DLGAP4: variants seen among roughly 807,000 people sequenced by gnomAD.
DLGAP4 encodes the protein disks large-associated protein 4.
A neutral mutation model predicts 86.9 loss-of-function variants in DLGAP4; 18 were observed. That is an observed-to-expected ratio of 0.21 (90% CI 0.14 to 0.31). The LOEUF (loss-of-function observed/expected upper bound fraction) is 0.31. Ranked by LOEUF, DLGAP4 falls within the 10% of genes least tolerant of loss-of-function variation. The pLI is 1.00. For missense variants in DLGAP4, 1,085 were observed against 1,362.6 expected (o/e 0.80, Z 3.21); for synonymous variants, 548 against 574.3 (o/e 0.95, Z 0.65).
chr20:36,348,827 G>A (rs1020054422), intron 1 of DLGAP4, among the ~76,000 whole-genome samples: 3 of 151,872 alleles, frequency 2.0e-5, no homozygotes, highest in Non-Finnish European at 4.4e-5. Context: ...GGGGCCAGGC[G>A]TGGTGGCTTA....
chr20:36,379,173 C>T (rs1313858793), intron 2 of DLGAP4, among the ~76,000 whole-genome samples: 1 of 152,158 alleles, frequency 6.6e-6, no homozygotes, highest in Non-Finnish European at 1.5e-5. Flanking sequence ...GGAGCTGGCC[C>T]TGCAAATGCT....
intron 2 of DLGAP4, among the ~76,000 whole-genome samples, chr20:36,407,453 G>T (rs941073103): frequency 6.6e-6 from 1 of 152,142 alleles, no homozygotes; most frequent in Admixed American, 6.6e-5. Context: ...TGGGCATGTG[G>T]TCATGACTCA....
chr20:36,513,554 CAAAAAAAAAAAAAA>C (rs562398294), intron 10 of DLGAP4, among the ~76,000 whole-genome samples: 3 of 40,552 alleles, frequency 7.4e-5, no homozygotes, highest in Non-Finnish European at 1.4e-4. Flanking sequence ...GACTCCGTCT[CAAAAAAAAAAAAAA>C]AAAAAAAAAA....
chr20:36,344,198 T>C (rs2065413026), intron 1 of DLGAP4, among the ~76,000 whole-genome samples: 1 of 152,212 alleles, frequency 6.6e-6, no homozygotes. Flanking sequence ...GAATCTCTGC[T>C]CCCGACTCTT....
chr20:36,382,820 A>G (rs751717020), intron 2 of DLGAP4, among the ~76,000 whole-genome samples: 9 of 151,724 alleles, frequency 5.9e-5, no homozygotes, highest in Non-Finnish European at 1.3e-4. Flanking sequence ...GTGAGCCACC[A>G]TGCCTGGCTG....
Position 36,306,536 on chromosome 20 carries a change from G to T in DLGAP4, c.-304+24G>T, listed in dbSNP as rs2065003830. 6.6e-6 allele frequency: 1 copy of T among 151,904 alleles called. No individual in the cohort carries two copies. The highest frequency in any genetic ancestry group is 2.4e-5 in the African/African-American group (1 of 41,338). The allele number at this position is 151,904 out of a possible 1,614,324, so 9.4% of individuals were successfully genotyped here. ...AGGTGAGGGCGCGGGGGTGGCGCGCGGCGGCTCCTACCCCCTTCCCGGGCC... is the reference window on the plus strand; with the variant it reads ...AGGTGAGGGCGCGGGGGTGGCGCGCTGCGGCTCCTACCCCCTTCCCGGGCC... On this transcript the variant is annotated intron_variant, in intron 1 of 12. Coordinates refer to ENST00000339266, the MANE Select transcript of DLGAP4 (RefSeq NM_001365621.2). The surrounding 1 kb of genome is among the most constrained non-coding windows in gnomAD (Gnocchi z 4.9).
At chr20:36,515,032 C>T (rs529294018) in intron 10 of DLGAP4, among the ~76,000 whole-genome samples, 3 of 152,078 alleles carry the variant, frequency 2.0e-5, no homozygotes, top group Non-Finnish European at 4.4e-5. Flanking sequence ...GAGAGGAGGC[C>T]CACCAGTCAC....
rs1192663955 is a variant in DLGAP4 at position 36,511,875 on chromosome 20, A to C, written c.2512+11264A>C. On this transcript the variant is annotated intron_variant, in intron 10 of 12. Coordinates refer to ENST00000339266, the MANE Select transcript of DLGAP4 (RefSeq NM_001365621.2). ...GGGCGACAGAGGGAGACCCTGTCTC[A>C]AAAAAAAAAAAAAAAATGCATAGTC... is the stretch of plus-strand genomic sequence containing the variant. Among the ~76,000 whole-genome samples, 4 of 113,458 alleles carry C rather than the reference A, an allele frequency of 3.5e-5. No individual in the cohort carries two copies. The East Asian group carries it at 9.6e-4, about 27-fold the overall frequency. The allele number at this position is 113,458 out of a possible 152,430, so 74.4% of individuals were successfully genotyped here.
At chr20:36,404,069 G>A (rs539236710) in intron 2 of DLGAP4, among the ~76,000 whole-genome samples, 1 of 152,318 alleles carries the variant, frequency 6.6e-6, no homozygotes, top group Admixed American at 6.5e-5. Context: ...TAGTCAGTAT[G>A]GGAGGAGACC....
At chr20:36,435,559 G>A (rs1308484286) in intron 3 of DLGAP4, among the ~76,000 whole-genome samples, 1 of 152,180 alleles carries the variant, frequency 6.6e-6, no homozygotes, top group Non-Finnish European at 1.5e-5. Flanking sequence ...TACCTGACCC[G>A]GGGAAGCACC....
Position 36,431,153 on chromosome 20 carries a change from TCCCG to T in DLGAP4, c.-72-492_-72-489del, listed in dbSNP as rs201417809. Among the ~76,000 whole-genome samples the T allele has an allele frequency of 0.68, 102,580 of 151,736 alleles. 36,300 individuals are homozygous for T. The highest frequency in any genetic ancestry group is 0.79 in the Non-Finnish European group (53,615 of 67,902). On this transcript the variant is annotated intron_variant, in intron 2 of 12. Coordinates refer to ENST00000339266, the MANE Select transcript of DLGAP4 (RefSeq NM_001365621.2). The surrounding 1 kb of genome is among the most constrained non-coding windows in gnomAD (Gnocchi z 5.1). ...TGCCTCCAGGGCCAGCACAGGGTCC[TCCCG>T]TGGGAGGTGGACCCTGCCACAGGGA...
rs2034047717 is a variant in DLGAP4 at position 36,461,526 on chromosome 20, T to TGGCCGCCGCCGCCGCCGCC, written c.1648+14590_1648+14608dup. The TGGCCGCCGCCGCCGCCGCC allele has an allele frequency of 8.1e-6, 8 of 982,718 alleles. No homozygotes were observed. In the African/African-American group the frequency reaches 1.2e-4, roughly 15 times the overall value. The allele number at this position is 982,718 out of a possible 1,614,324, so 60.9% of individuals were successfully genotyped here. On this transcript the variant is annotated intron_variant, in intron 7 of 12. Coordinates refer to ENST00000339266, the MANE Select transcript of DLGAP4 (RefSeq NM_001365621.2). ...AGGGAGGAGGGTGAGTGCCCGCCGCTGGCCGCCGCCGCCGCCGCCAGTCCG... is the reference window on the plus strand; with the variant it reads ...AGGGAGGAGGGTGAGTGCCCGCCGCTGGCCGCCGCCGCCGCCGCCGGCCGCCGCCGCCGCCGCCAGTCCG...
chr20:36,335,079 C>A (rs1382475396), intron 1 of DLGAP4, among the ~76,000 whole-genome samples: 1 of 152,110 alleles, frequency 6.6e-6, no homozygotes, highest in Non-Finnish European at 1.5e-5. Flanking sequence ...GGCACCTGAG[C>A]CCCTGGGGTG....
intron 2 of DLGAP4, among the ~76,000 whole-genome samples, chr20:36,402,387 C>T (rs1001986769): frequency 5.3e-5 from 8 of 152,170 alleles, no homozygotes; most frequent in East Asian, 1.9e-4. Context: ...TGGGCTAATG[C>T]GTGTCAAGTG....
intron 2 of DLGAP4, among the ~76,000 whole-genome samples, chr20:36,386,008 G>C (rs1247488568): frequency 6.6e-6 from 1 of 152,160 alleles, no homozygotes; most frequent in East Asian, 1.9e-4. Context: ...AGAAGGAAAG[G>C]AGAAAAAGAT....
chr20:36,496,714 G>A lies in DLGAP4; in HGVS notation c.1658G>A (p.Cys553Tyr). 6.2e-7 allele frequency: 1 copy of A among 1,604,702 alleles called. No individual in the cohort carries two copies. The highest frequency in any genetic ancestry group is 1.3e-5 in the African/African-American group (1 of 74,868). Residue 553 changes from cysteine (C) to tyrosine (Y), a missense_variant, in exon 8 of 13, where the codon TGC becomes TAC. This residue lies in a region of DLGAP4 where 1,082 missense variants were observed against 1,344.1 expected (regional missense o/e 0.81). Coordinates refer to ENST00000339266, the MANE Select transcript of DLGAP4 (RefSeq NM_001365621.2). ...SNSRTLPSSS[C>Y]LVAYKKTPPP... The stretch of plus-strand genomic sequence containing the variant: ...TCTCATCCATCTGCAGGTTCATCAT[G>A]CCTAGTGGCGTATAAGAAGACCCCG...
intron 2 of DLGAP4, among the ~76,000 whole-genome samples, chr20:36,384,718 G>A (rs906328052): frequency 6.6e-6 from 1 of 152,196 alleles, no homozygotes; most frequent in Non-Finnish European, 1.5e-5. Flanking sequence ...AGATACTCTT[G>A]GAACCTCATA....
chr20:36,379,171 C>G (rs184106394), intron 2 of DLGAP4, among the ~76,000 whole-genome samples: 1 of 152,174 alleles, frequency 6.6e-6, no homozygotes, highest in Non-Finnish European at 1.5e-5. Context: ...CTGGAGCTGG[C>G]CCTGCAAATG....
chr20:36,384,256 TG>T (rs1286734427), intron 2 of DLGAP4, among the ~76,000 whole-genome samples: 4 of 152,032 alleles, frequency 2.6e-5, no homozygotes, highest in Non-Finnish European at 5.9e-5. Context: ...TCCCGACGCC[TG>T]GGGGTGCTGT....
Sources: allele counts gnomAD v4.1 joint callset (sites outside exome capture counted in the v4.1 genomes callset), GRCh38; gene constraint gnomAD v4.1.1; regional missense constraint gnomAD v4.1.1; non-coding constraint Gnocchi (gnomAD v3.1); transcripts MANE v1.5; gene names NCBI Gene and HGNC (gene_info 2026-07-23, HGNC 2026-07-21).